The following ME3 variants were observed in gnomAD, a reference collection of about 807,000 sequenced individuals.
ME3 encodes the protein NADP-dependent malic enzyme, mitochondrial.
ME3 carries 48 observed loss-of-function variants against 68.9 expected under a neutral mutation model. The ratio of observed to expected loss-of-function variants is 0.70; its 90% CI spans 0.55 to 0.89. ME3 has a LOEUF of 0.89. Among genes scored for constraint, ME3 ranks in the 40% least tolerant of loss-of-function variants. The pLI, the probability that ME3 is intolerant of heterozygous loss-of-function variation, is 0.00. For synonymous variants in ME3, 320 were observed against 318.8 expected (o/e 1.00, Z -0.04); for missense variants, 675 against 797.4 (o/e 0.85, Z 1.85).
intron 3 of ME3, 123 bp from the exon 4 acceptor site, chr11:86,556,825 C>T (rs1956956073): frequency 9.6e-7 from 1 of 1,044,182 alleles, no homozygotes; most frequent in Non-Finnish European, 1.4e-6. Flanking sequence ...ATGGGCAAGC[C>T]ATCTGCCCTG....
At chr11:86,617,108 G>GT (rs1943033535) in intron 2 of ME3, among the ~76,000 whole-genome samples, 1 of 123,794 alleles carries the variant, frequency 8.1e-6, no homozygotes, top group African/African-American at 3.1e-5. Flanking sequence ...TCTGGAGCCA[G>GT]TATGATTTGG....
intron 4 of ME3, among the ~76,000 whole-genome samples, chr11:86,529,276 C>A (rs12798729): frequency 6.6e-6 from 1 of 152,038 alleles, no homozygotes; most frequent in Non-Finnish European, 1.5e-5. Context: ...ATAAATTCCT[C>A]GACACATACA....
chr11:86,522,207 G>A (rs771874880), intron 4 of ME3, among the ~76,000 whole-genome samples: 18 of 151,810 alleles, frequency 1.2e-4, no homozygotes, highest in African/African-American at 3.1e-4. Context: ...CCAAGACTGC[G>A]TCATTGCACT....
At chr11:86,527,543 A>T (rs906109934) in intron 4 of ME3, among the ~76,000 whole-genome samples, 1 of 152,356 alleles carries the variant, frequency 6.6e-6, no homozygotes. Context: ...CAACTCCAAG[A>T]CACATAATTG....
chr11:86,469,668 C>T (rs1453387760), intron 7 of ME3, among the ~76,000 whole-genome samples: 1 of 152,194 alleles, frequency 6.6e-6, no homozygotes, highest in Non-Finnish European at 1.5e-5. Flanking sequence ...ACATCTGATG[C>T]TTCTCCAGTG....
intron 2 of ME3, among the ~76,000 whole-genome samples, chr11:86,669,155 C>T (rs886157019): frequency 9.2e-5 from 14 of 152,156 alleles, no homozygotes; most frequent in Admixed American, 9.2e-4. Context: ...GAAGGGCACT[C>T]ACAGTAACTC....
chr11:86,549,351 T>C (rs954101799), intron 4 of ME3, among the ~76,000 whole-genome samples: 2 of 152,234 alleles, frequency 1.3e-5, no homozygotes, highest in African/African-American at 2.4e-5. Flanking sequence ...ATCTCCTCTT[T>C]CCATAATATT....
At chr11:86,450,369 A>C in exon 9 of ME3, 2 of 1,614,044 alleles carry the variant, frequency 1.2e-6, no homozygotes, top group South Asian at 2.2e-5. Flanking sequence ...AGAGCAGCCA[A>C]GATCCCTGCC....
chr11:86,672,209 C>T (rs956005814), intron 1 of ME3, 115 bp downstream of exon 1: 25 of 409,040 alleles, frequency 6.1e-5, no homozygotes, highest in African/African-American at 4.2e-4. Context: ...CGGGTGACAG[C>T]CGGCGCCACC....
At chr11:86,609,483 A>G (rs1708650784) in intron 2 of ME3, among the ~76,000 whole-genome samples, 1 of 152,186 alleles carries the variant, frequency 6.6e-6, no homozygotes, top group South Asian at 2.1e-4. Flanking sequence ...TGCCAAATGA[A>G]TATTTGCTAA....
At position 86,445,048 on chromosome 11, in the gene ME3, G is replaced by A. The variant is rs141347901; in HGVS notation, c.1554+1266C>T. Among the ~76,000 whole-genome samples the A allele has an allele frequency of 2.4e-4, 36 of 152,262 alleles. No individual in the cohort carries two copies. The East Asian group carries it at 6.8e-3, about 29-fold the overall frequency. On this transcript the variant is annotated intron_variant, in intron 13 of 14. Coordinates refer to ENST00000543262, the Ensembl canonical transcript of ME3. ...GATGTCCCATGGTATTATATAGGCA[G>A]GACTGTAGCAATTGTGTTTTTACTC... is the stretch of plus-strand genomic sequence containing the variant.
In ME3 at chr11:86,570,093, C is replaced by T. The variant is rs1001917988; in HGVS notation, c.184-10270G>A. 4.6e-5 allele frequency among the ~76,000 whole-genome samples: 7 copies of T among 152,164 alleles called. No individual in the cohort carries two copies. In the East Asian group the frequency reaches 5.8e-4, roughly 13 times the overall value. ...CTTCTGAGTTCATGCACCTGGCCCA[C>T]GGCACACACACAGCCATGTTTCCTT... On this transcript the variant is annotated intron_variant, in intron 2 of 14. Transcript: ENST00000543262.
In ME3 at chr11:86,560,748, GTATATA is replaced by G. The variant is rs142056305; in HGVS notation, c.184-931_184-926del. Among the ~76,000 whole-genome samples the G allele has an allele frequency of 6.2e-3, 390 of 62,526 alleles. 16 individuals carry two copies. The highest frequency in any genetic ancestry group is 0.016 in the African/African-American group (271 of 16,912). 41.0% of individuals were successfully genotyped at this position (62,526 alleles called of 152,430 possible). ...TGTATGTGTGTGTGTGTGTGTGTGTGTATATATATATATATATATATATATTTCCAG... is the reference window on the plus strand; with the variant it reads ...TGTATGTGTGTGTGTGTGTGTGTGTGTATATATATATATATATATTTCCAG... On this transcript the variant is annotated intron_variant, in intron 2 of 14. Transcript: ENST00000543262.
At position 86,671,778 on chromosome 11, in the gene ME3, T is replaced by A. The variant is rs771835854; in HGVS notation, c.167A>T (p.Asn56Ile). 34 of 1,603,688 alleles carry A rather than the reference T, an allele frequency of 2.1e-5. No individual in the cohort carries two copies. The highest frequency in any genetic ancestry group is 5.1e-5 in the Admixed American group (3 of 58,772). ...GCCCATTACCTTGTTGAGATGAGGGTTCCTGGTGACATCGTATCCGCGCTT... is the reference window on the plus strand; with the variant it reads ...GCCCATTACCTTGTTGAGATGAGGGATCCTGGTGACATCGTATCCGCGCTT... The change falls in exon 2 of 15, where the codon AAC becomes ATC. Residue 56 changes from asparagine (N) to isoleucine (I), a missense_variant. Asn to Ile is a moderately radical substitution (Grantham distance 149, BLOSUM62 -3). Transcript: ENST00000543262.
intron 2 of ME3, among the ~76,000 whole-genome samples, chr11:86,664,206 G>A (rs1041446857): frequency 6.6e-6 from 1 of 152,072 alleles, no homozygotes; most frequent in Non-Finnish European, 1.5e-5. Flanking sequence ...GAACATTAAA[G>A]GAAAAGTACA....
intron 2 of ME3, among the ~76,000 whole-genome samples, chr11:86,634,902 G>A (rs1034781009): frequency 8.6e-5 from 13 of 150,570 alleles, no homozygotes; most frequent in African/African-American, 2.9e-4. Flanking sequence ...ACTTGTAATC[G>A]TGAGAATAAC....
At chr11:86,587,069 G>T (rs1469292324) in intron 2 of ME3, among the ~76,000 whole-genome samples, 1 of 152,206 alleles carries the variant, frequency 6.6e-6, no homozygotes, top group Non-Finnish European at 1.5e-5. Context: ...AATGCTTAGG[G>T]TTACAAAGGA....
chr11:86,636,315 T>G (rs1944332384), intron 2 of ME3, among the ~76,000 whole-genome samples: 1 of 119,606 alleles, frequency 8.4e-6, no homozygotes, highest in African/African-American at 2.7e-5. Context: ...CTAAGGTATT[T>G]GCCCCTTGGA....
chr11:86,442,901 A>C lies in ME3; in HGVS notation c.1573T>G (p.Ser525Ala). 1 of 1,612,608 alleles carries C rather than the reference A, an allele frequency of 6.2e-7. No homozygotes were observed. Among genetic ancestry groups the C allele is most frequent in the Non-Finnish European group, 8.5e-7 (1 of 1,178,878 alleles). Residue 525 changes from serine (S) to alanine (A), a missense_variant, in exon 14 of 15, where the codon TCT becomes GCT. By Grantham distance (99) the Ser-to-Ala change is moderately conservative. Transcript: ENST00000543262. The stretch of plus-strand genomic sequence containing the variant: ...CTCCCCTGGGACAGATGCTGCTCAG[A>C]GACTTCCTGGGCAATTTGCTGGGGA...
Sources: allele counts gnomAD v4.1 joint callset (sites outside exome capture counted in the v4.1 genomes callset), GRCh38; gene constraint gnomAD v4.1.1; transcripts MANE v1.5; gene names NCBI Gene and HGNC (gene_info 2026-07-23, HGNC 2026-07-21).